The following MGAT3 variants were observed in gnomAD, a reference collection of about 807,000 sequenced individuals.
MGAT3 encodes the protein GlcNAc-T III.
In MGAT3, 9 loss-of-function variants were observed where a neutral mutation model predicts 29.8. That is an observed-to-expected ratio of 0.30 (90% CI 0.18 to 0.53). MGAT3 has a LOEUF of 0.53. Ranked by LOEUF, MGAT3 falls within the 20% of genes least tolerant of loss-of-function variation. The pLI, the probability that MGAT3 is intolerant of heterozygous loss-of-function variation, is 0.96. For synonymous variants in MGAT3, 397 were observed against 348.9 expected (o/e 1.14, Z -1.54); for missense variants, 557 against 769.5 (o/e 0.72, Z 3.27).
chr22:39,484,809 C>T (rs1308515073), intron 1 of MGAT3, among the ~76,000 whole-genome samples: 1 of 152,020 alleles, frequency 6.6e-6, no homozygotes, highest in Non-Finnish European at 1.5e-5. Flanking sequence ...TCAAGGCCAG[C>T]CTGGCCAACG....
chr22:39,468,889 A>G (rs1928729429), intron 1 of MGAT3, among the ~76,000 whole-genome samples: 1 of 151,852 alleles, frequency 6.6e-6, no homozygotes, highest in Non-Finnish European at 1.5e-5. Flanking sequence ...ACGGAGATTG[A>G]AGGGTGAGAT....
chr22:39,471,414 T>C (rs747837558), intron 1 of MGAT3, among the ~76,000 whole-genome samples: 2 of 152,156 alleles, frequency 1.3e-5, no homozygotes, highest in Non-Finnish European at 2.9e-5. Context: ...TAGAAGAAGC[T>C]GTGTTCCTTC....
intron 1 of MGAT3, among the ~76,000 whole-genome samples, chr22:39,472,155 C>T (rs181796284): frequency 1.6e-3 from 245 of 152,222 alleles, no homozygotes; most frequent in African/African-American, 5.8e-3. Flanking sequence ...GGCTTGGAGC[C>T]AGCAGTACAA....
chr22:39,489,046 G>C lies in MGAT3; in HGVS notation c.*97G>C. The C allele has an allele frequency of 2.1e-5, 16 of 750,978 alleles. No homozygotes were observed. Among genetic ancestry groups the C allele is most frequent in the Non-Finnish European group, 3.0e-5 (15 of 506,472 alleles). The allele number at this position is 750,978 out of a possible 1,614,324, so 46.5% of individuals were successfully genotyped here. ...CTGCCGGCTCCTTGGTTCTTGAGGG[G>C]ACCAGGAGTGGGTGGGGAGTGGGGG... On this transcript the variant is annotated 3_prime_UTR_variant, in exon 2 of 2. Transcript: ENST00000341184.
At chr22:39,466,027 A>G (rs896795953) in intron 1 of MGAT3, among the ~76,000 whole-genome samples, 1 of 152,170 alleles carries the variant, frequency 6.6e-6, no homozygotes, top group Non-Finnish European at 1.5e-5. Flanking sequence ...GGTTCCAGCA[A>G]AAGGTGCATG....
intron 1 of MGAT3, among the ~76,000 whole-genome samples, chr22:39,486,445 C>A (rs547977130): frequency 1.2e-4 from 19 of 152,120 alleles, no homozygotes; most frequent in Non-Finnish European, 2.5e-4. Flanking sequence ...ACTGGCCGAC[C>A]TCAAATTTTT....
chr22:39,469,099 C>A (rs951820024), intron 1 of MGAT3, among the ~76,000 whole-genome samples: 1 of 133,238 alleles, frequency 7.5e-6, no homozygotes, highest in Non-Finnish European at 1.6e-5. Context: ...GGCAGTGGGA[C>A]TGACTGCCTT....
At chr22:39,482,678 T>C (rs1929160305) in intron 1 of MGAT3, among the ~76,000 whole-genome samples, 1 of 152,172 alleles carries the variant, frequency 6.6e-6, no homozygotes, top group East Asian at 1.9e-4. Context: ...CTGAAAAGGA[T>C]TGAAACTATG....
intron 1 of MGAT3, among the ~76,000 whole-genome samples, chr22:39,477,340 A>C (rs1928994545): frequency 6.6e-6 from 1 of 152,196 alleles, no homozygotes; most frequent in Non-Finnish European, 1.5e-5. Context: ...TAGGTCCTGA[A>C]TGCCTGGTGA....
At chr22:39,459,821 C>T (rs1258862540) in intron 1 of MGAT3, among the ~76,000 whole-genome samples, 1 of 152,174 alleles carries the variant, frequency 6.6e-6, no homozygotes, top group East Asian at 1.9e-4. Flanking sequence ...ACACAGGGTG[C>T]CTGGCACCTG....
chr22:39,491,418 C>T lies in MGAT3; in HGVS notation c.*2469C>T, dbSNP rs979809805. On this transcript the variant is annotated 3_prime_UTR_variant, in exon 2 of 2. Coordinates refer to ENST00000341184, the MANE Select transcript of MGAT3 (RefSeq NM_002409.5). The surrounding 1 kb of genome is among the most constrained non-coding windows in gnomAD (Gnocchi z 5.5). ...CCCATGGACAGGGAGTCTCAGGGCT[C>T]CTGATCATGCCCAGGCCCTGGCCTG... 2 of 167,292 alleles carry T rather than the reference C, an allele frequency of 1.2e-5. No homozygotes were observed. Among genetic ancestry groups the T allele is most frequent in the African/African-American group, 4.8e-5 (2 of 41,452 alleles). 10.4% of individuals were successfully genotyped at this position (167,292 alleles called of 1,614,324 possible). A position where few individuals can be genotyped will look rare whatever the true frequency, so the allele number is the denominator to read the frequency against.
intron 1 of MGAT3, among the ~76,000 whole-genome samples, chr22:39,471,744 G>A (rs1273302694): frequency 3.9e-5 from 6 of 152,112 alleles, no homozygotes; most frequent in Non-Finnish European, 5.9e-5. Context: ...GACACACAGA[G>A]ACACGAGGCA....
chr22:39,467,572 C>T (rs1928685175), intron 1 of MGAT3, among the ~76,000 whole-genome samples: 1 of 152,166 alleles, frequency 6.6e-6, no homozygotes, highest in Non-Finnish European at 1.5e-5. Flanking sequence ...AGTACAGTGT[C>T]CCAAAGAGGA....
intron 1 of MGAT3, among the ~76,000 whole-genome samples, chr22:39,468,666 G>A (rs548524278): frequency 2.0e-5 from 3 of 150,290 alleles, no homozygotes; most frequent in South Asian, 2.1e-4. Flanking sequence ...AGCATTGACT[G>A]GAAGGTGCGG....
intron 1 of MGAT3, among the ~76,000 whole-genome samples, chr22:39,474,117 T>C (rs1414039656): frequency 2.6e-5 from 4 of 152,150 alleles, no homozygotes. Flanking sequence ...CTGGGTACCC[T>C]TGGCCTTGCA....
At chr22:39,463,604 G>A (rs1309054869) in intron 1 of MGAT3, among the ~76,000 whole-genome samples, 3 of 152,160 alleles carry the variant, frequency 2.0e-5, no homozygotes, top group African/African-American at 7.2e-5. Flanking sequence ...ATCTCACAAC[G>A]GGAGGGCTGG....
chr22:39,488,411 A>T lies in MGAT3; in HGVS notation c.1064A>T (p.Gln355Leu). 1 of 1,612,880 alleles carries T rather than the reference A, an allele frequency of 6.2e-7. No individual in the cohort carries two copies. The highest frequency in any genetic ancestry group is 8.5e-7 in the Non-Finnish European group (1 of 1,180,034). ...RKSLYGFFWK[Q>L]PGTLEVVSGC... ...TCGCTCTACGGCTTCTTCTGGAAGC[A>T]GCCGGGCACCCTGGAGGTGGTGTCA... The change falls in exon 2 of 2, where the codon CAG (glutamine) becomes CTG (leucine). Residue 355 changes from glutamine (Q) to leucine (L), a missense_variant. Physicochemically the swap from Gln to Leu is moderately radical, Grantham distance 113. This residue lies in a region of MGAT3 where 243 missense variants were observed against 444.0 expected (regional missense o/e 0.55). Coordinates refer to ENST00000341184, the MANE Select transcript of MGAT3 (RefSeq NM_002409.5).
chr22:39,473,826 G>A (rs1055229544), intron 1 of MGAT3, among the ~76,000 whole-genome samples: 2 of 151,854 alleles, frequency 1.3e-5, no homozygotes, highest in Admixed American at 6.6e-5. Flanking sequence ...GGAAGTTAAG[G>A]GGAGGAGGGG....
At chr22:39,458,180 A>C (rs1248946028) in intron 1 of MGAT3, among the ~76,000 whole-genome samples, 1 of 152,060 alleles carries the variant, frequency 6.6e-6, no homozygotes, top group Non-Finnish European at 1.5e-5. Context: ...AACCTGGCTG[A>C]GGGAGGGCGC....
Sources: gnomAD v4.1 joint callset for allele counts (sites outside exome capture counted in the v4.1 genomes callset) on GRCh38, gnomAD v4.1.1 for gene constraint, gnomAD v4.1.1 regional missense constraint, Gnocchi (gnomAD v3.1) non-coding constraint, MANE v1.5 for transcripts, NCBI Gene and HGNC (gene_info 2026-07-23, HGNC 2026-07-21) for gene names.